The following WNT7B variants were observed in gnomAD, a reference collection of about 807,000 sequenced individuals.
The protein encoded by WNT7B is Wnt family member 7B.
WNT7B carries 19 observed loss-of-function variants against 38.2 expected under a neutral mutation model. The ratio of observed to expected loss-of-function variants is 0.50; its 90% CI spans 0.35 to 0.73. The LOEUF (loss-of-function observed/expected upper bound fraction) is 0.73. WNT7B is among the 30% of genes least tolerant of loss of function. The probability of loss-of-function intolerance (pLI) is 0.01; values close to 1 mark genes in which losing one functional copy is unlikely to be tolerated. For missense variants in WNT7B, 423 were observed against 507.9 expected, an observed-to-expected ratio of 0.83 and a Z score of 1.61; for synonymous variants, 243 against 209.3, an observed-to-expected ratio of 1.16 and a Z score of -1.39.
chr22:45,945,375 G>A (rs1931769977), intron 2 of WNT7B, among the ~76,000 whole-genome samples: 1 of 152,182 alleles, frequency 6.6e-6, no homozygotes, highest in Admixed American at 6.5e-5. Flanking sequence ...CACCATGCCT[G>A]GCTGGTGAAC....
At chr22:45,932,292 G>C (rs564427411) in intron 2 of WNT7B, among the ~76,000 whole-genome samples, 5 of 152,112 alleles carry the variant, frequency 3.3e-5, no homozygotes, top group African/African-American at 4.8e-5. Context: ...CCTTCCAGGC[G>C]CTGCTCACAT....
intron 3 of WNT7B, among the ~76,000 whole-genome samples, chr22:45,930,789 C>T (rs1349720756): frequency 6.6e-6 from 1 of 152,218 alleles, no homozygotes; most frequent in African/African-American, 2.4e-5. Context: ...CTGGGACCCT[C>T]CGCCACGGGG....
chr22:45,969,092 C>A (rs907897817), intron 1 of WNT7B, among the ~76,000 whole-genome samples: 4 of 152,240 alleles, frequency 2.6e-5, no homozygotes, highest in African/African-American at 9.6e-5. Flanking sequence ...TTCATCTCCT[C>A]CCCCTCGAGG....
intron 2 of WNT7B, among the ~76,000 whole-genome samples, chr22:45,947,141 C>A (rs932894669): frequency 1.3e-5 from 2 of 152,198 alleles, no homozygotes; most frequent in African/African-American, 2.4e-5. Flanking sequence ...CGGGGCCTGG[C>A]GTGCTTGGGG....
intron 2 of WNT7B, among the ~76,000 whole-genome samples, chr22:45,942,282 G>A (rs1396017963): frequency 1.3e-5 from 2 of 152,226 alleles, no homozygotes; most frequent in African/African-American, 4.8e-5. Context: ...GAAGCTGGAA[G>A]AGAAGCTCAG....
intron 1 of WNT7B, among the ~76,000 whole-genome samples, chr22:45,972,002 A>G (rs921290825): frequency 6.6e-6 from 1 of 152,142 alleles, no homozygotes; most frequent in Non-Finnish European, 1.5e-5. Context: ...TAGGCTGGCG[A>G]GGCGACCTAA....
chr22:45,933,763 G>A (rs190391229), intron 2 of WNT7B, among the ~76,000 whole-genome samples: 1 of 152,212 alleles, frequency 6.6e-6, no homozygotes, highest in Non-Finnish European at 1.5e-5. Flanking sequence ...TGTGTGTGGT[G>A]TATGTGTGGC....
At chr22:45,957,501 T>C (rs1186834828) in intron 1 of WNT7B, among the ~76,000 whole-genome samples, 63 of 151,692 alleles carry the variant, frequency 4.2e-4, no homozygotes, top group East Asian at 1.9e-4. Context: ...CTAGCCAACA[T>C]GGTGAAACTG....
At chr22:45,932,573 T>A (rs890119292) in intron 2 of WNT7B, among the ~76,000 whole-genome samples, 1 of 152,196 alleles carries the variant, frequency 6.6e-6, no homozygotes, top group African/African-American at 2.4e-5. Context: ...TTCCTCTTTG[T>A]TTCCCCCATC....
At chr22:45,972,116 G>GCCCCCC in intron 1 of WNT7B, 2 of 530,746 alleles carry the variant, frequency 3.8e-6, no homozygotes, top group South Asian at 2.3e-5. Context: ...CCCGGGGGGA[G>GCCCCCC]CCCACCCGCC....
At chr22:45,961,776 C>T (rs1316033886) in intron 1 of WNT7B, among the ~76,000 whole-genome samples, 1 of 152,242 alleles carries the variant, frequency 6.6e-6, no homozygotes, top group African/African-American at 2.4e-5. Flanking sequence ...ATCTGGGTAC[C>T]TGCAGCTGTG....
chr22:45,975,433 C>A lies in WNT7B; in HGVS notation c.71+1251G>T. 2 of 642,138 alleles carry A rather than the reference C, an allele frequency of 3.1e-6. No individual in the cohort carries two copies. Among genetic ancestry groups the A allele is most frequent in the Admixed American group, 2.4e-5 (1 of 42,248 alleles). 39.8% of individuals were successfully genotyped at this position (642,138 alleles called of 1,614,324 possible). A position where few individuals can be genotyped will look rare whatever the true frequency, so the allele number is the denominator to read the frequency against. On this transcript the variant is annotated intron_variant, in intron 1 of 3. Coordinates refer to ENST00000339464, the MANE Select transcript of WNT7B (RefSeq NM_058238.3). This position sits in a 1 kb window ranked among gnomAD's most constrained non-coding sequence, Gnocchi z 6.6. ...TATGATAAACGGGGCTACCGGCAGC[C>A]GCAGACACGCCCGCCCAGACCTGCA...
chr22:45,935,923 G>A, intron 2 of WNT7B: 1 of 985,334 alleles, frequency 1.0e-6, no homozygotes, highest in Non-Finnish European at 1.2e-6. Flanking sequence ...GCCGGCAGCT[G>A]TCCTGCTGGT....
chr22:45,962,672 C>T (rs1932223063), intron 1 of WNT7B, among the ~76,000 whole-genome samples: 1 of 152,246 alleles, frequency 6.6e-6, no homozygotes, highest in Non-Finnish European at 1.5e-5. Context: ...TTGCTTCCCA[C>T]AGTACAGATG....
At chr22:45,954,438 A>T (rs1932014196) in intron 1 of WNT7B, among the ~76,000 whole-genome samples, 1 of 152,216 alleles carries the variant, frequency 6.6e-6, no homozygotes, top group African/African-American at 2.4e-5. Flanking sequence ...CCACGATTTT[A>T]AAAAACTCTA....
Position 45,976,847 on chromosome 22 carries a change from A to G in WNT7B, c.-93T>C. ...GGGCAGGGGCCAGGGGGCTGCGGGC[A>G]GACTGCGCTCAGCCCGCGCTGCGGC... On this transcript the variant is annotated 5_prime_UTR_variant, in exon 1 of 4. Transcript: ENST00000339464. This position sits in a 1 kb window ranked among gnomAD's most constrained non-coding sequence, Gnocchi z 8.5. 1.7e-6 allele frequency: 2 copies of G among 1,181,580 alleles called. No homozygotes were observed. Among genetic ancestry groups the G allele is most frequent in the Non-Finnish European group, 2.1e-6 (2 of 939,346 alleles). The allele number at this position is 1,181,580 out of a possible 1,614,324, so 73.2% of individuals were successfully genotyped here. A position where few individuals can be genotyped will look rare whatever the true frequency, so the allele number is the denominator to read the frequency against.
At position 45,923,348 on chromosome 22, in the gene WNT7B, G is replaced by A. The variant is rs1243588109; in HGVS notation, c.571-13C>T. ...GGTCCTCTAGAACCTGCGGGTGACA[G>A]GGAAGCTGCTCGGCACGGCATGGCC... is the stretch of plus-strand genomic sequence containing the variant. On this transcript the variant is annotated splice_polypyrimidine_tract_variant and intron_variant, in intron 3 of 3. Coordinates refer to ENST00000339464, the MANE Select transcript of WNT7B (RefSeq NM_058238.3). 1 of 1,589,188 alleles carries A rather than the reference G, an allele frequency of 6.3e-7. No homozygotes were observed. Among genetic ancestry groups the A allele is most frequent in the South Asian group, 1.1e-5 (1 of 87,630 alleles).
At chr22:45,945,887 C>G (rs143607259) in intron 2 of WNT7B, among the ~76,000 whole-genome samples, 9 of 152,364 alleles carry the variant, frequency 5.9e-5, no homozygotes, top group African/African-American at 2.2e-4. Context: ...GCTGGTGTCC[C>G]GGGCCGCTCA....
At position 45,969,381 on chromosome 22, in the gene WNT7B, G is replaced by T. The variant is rs1300505498; in HGVS notation, c.71+7303C>A. The stretch of plus-strand genomic sequence containing the variant: ...GACTGAGAGCGGAAGAGACCTGCCT[G>T]GGACAGAAGCGCAGCCTGGTCCTGG... On this transcript the variant is annotated intron_variant, in intron 1 of 3. Transcript: ENST00000339464. Among the ~76,000 whole-genome samples the T allele has an allele frequency of 5.9e-5, 9 of 152,346 alleles. No homozygotes were observed. In the South Asian group the frequency reaches 1.4e-3, roughly 25 times the overall value.
Sources: allele counts gnomAD v4.1 joint callset (sites outside exome capture counted in the v4.1 genomes callset), GRCh38; gene constraint gnomAD v4.1.1; non-coding constraint Gnocchi (gnomAD v3.1); transcripts MANE v1.5; gene names NCBI Gene and HGNC (gene_info 2026-07-23, HGNC 2026-07-21).